The following POLB variants were observed in gnomAD, a reference collection of about 807,000 sequenced individuals.
POLB encodes the protein DNA polymerase beta.
POLB carries 37 observed loss-of-function variants against 52.7 expected under a neutral mutation model. That is an observed-to-expected ratio of 0.70 (90% CI 0.54 to 0.92). The LOEUF is 0.92. POLB is among the 40% of genes least tolerant of loss of function. The probability of loss-of-function intolerance (pLI) is 0.00; values close to 1 mark genes in which losing one functional copy is unlikely to be tolerated. For missense variants in POLB, 313 were observed against 400.8 expected (o/e 0.78, Z 1.87); for synonymous variants, 138 against 131.3 (o/e 1.05, Z -0.35).
In POLB at chr8:42,361,084, T is replaced by C. The variant is rs777736903; in HGVS notation, c.551-211T>C. ...AATGTATATCTAATGCCAATTACTG[T>C]TGTCATCACAGATTCTGCTGTCTAC... On this transcript the variant is annotated intron_variant, in intron 9 of 13. Coordinates refer to ENST00000265421, the MANE Select transcript of POLB (RefSeq NM_002690.3). 8.7e-6 allele frequency: 6 copies of C among 685,940 alleles called. No individual in the cohort carries two copies. In the South Asian group the frequency reaches 9.0e-5, roughly 10 times the overall value. The allele number at this position is 685,940 out of a possible 1,614,324, so 42.5% of individuals were successfully genotyped here.
chr8:42,343,321 C>CA (rs1157325948), intron 2 of POLB, among the ~76,000 whole-genome samples: 209 of 2,808 alleles, frequency 0.074, 50 homozygotes, highest in East Asian at 0.2. Context: ...GACTGCGTCT[C>CA]AAAAAAAAAA....
chr8:42,359,555 T>A (rs1289809308), intron 9 of POLB, among the ~76,000 whole-genome samples: 1 of 133,696 alleles, frequency 7.5e-6, no homozygotes, highest in Non-Finnish European at 1.6e-5. Flanking sequence ...GGTAGGGACA[T>A]GGTTTTACTA....
At chr8:42,340,091 A>G (rs1822104605) in intron 2 of POLB, 1 of 151,860 alleles carries the variant, frequency 6.6e-6, no homozygotes, top group South Asian at 2.1e-4. Context: ...CCGCTCACCT[A>G]CGTCTCATCT....
At chr8:42,352,151 T>C (rs1314113304) in intron 5 of POLB, among the ~76,000 whole-genome samples, 1 of 152,240 alleles carries the variant, frequency 6.6e-6, no homozygotes. Context: ...CTAACTATTG[T>C]CTCTATCTAC....
At position 42,338,727 on chromosome 8, in the gene POLB, C is replaced by G. The variant is rs373698557; in HGVS notation, c.61+42C>G. 3.8e-5 allele frequency: 60 copies of G among 1,566,274 alleles called. No homozygotes were observed. In the African/African-American group the frequency reaches 6.9e-4, roughly 18 times the overall value. ...GCCCCGCTGGCTTTCTTCTTTCCTT[C>G]CAGCCTCTTCCCCTGCCTTCCTTCT... On this transcript the variant is annotated intron_variant, in intron 1 of 13. Transcript: ENST00000265421.
At chr8:42,352,225 C>T (rs1010381895) in intron 5 of POLB, among the ~76,000 whole-genome samples, 1 of 152,086 alleles carries the variant, frequency 6.6e-6, no homozygotes, top group African/African-American at 2.4e-5. Context: ...ACATAATGGC[C>T]CTCAGTAAAT....
At chr8:42,368,095 A>G (rs1824154235) in intron 11 of POLB, among the ~76,000 whole-genome samples, 1 of 152,248 alleles carries the variant, frequency 6.6e-6, no homozygotes, top group African/African-American at 2.4e-5. Context: ...CTTCAGAAAA[A>G]GTGCAGGAAA....
chr8:42,362,536 A>G (rs980383219), intron 10 of POLB, 76 bp from the exon 11 acceptor site: 11 of 924,952 alleles, frequency 1.2e-5, no homozygotes, highest in Non-Finnish European at 1.8e-5. Flanking sequence ...CTGTGTCTCT[A>G]AAAATATTGT....
At position 42,371,747 on chromosome 8, in the gene POLB, A is replaced by G. The variant is rs1162505397; in HGVS notation, c.*90A>G. ...ATGTAAGGGTCTTTGGTGTTTTTAA[A>G]TGATTGTTTCTTCTTCATGCTTTTG... On this transcript the variant is annotated 3_prime_UTR_variant, in exon 14 of 14. Transcript: ENST00000265421. 1 of 758,386 alleles carries G rather than the reference A, an allele frequency of 1.3e-6. No individual in the cohort carries two copies. Among genetic ancestry groups the G allele is most frequent in the Non-Finnish European group, 2.3e-6 (1 of 431,244 alleles). The allele number at this position is 758,386 out of a possible 1,614,324, so 47.0% of individuals were successfully genotyped here.
chr8:42,343,038 A>T (rs1822311244), intron 2 of POLB, among the ~76,000 whole-genome samples: 1 of 151,838 alleles, frequency 6.6e-6, no homozygotes, highest in South Asian at 2.1e-4. Flanking sequence ...AAAATATAAA[A>T]TTGGCTGGGC....
At chr8:42,365,210 G>A (rs1235514654) in intron 11 of POLB, among the ~76,000 whole-genome samples, 1 of 152,188 alleles carries the variant, frequency 6.6e-6, no homozygotes, top group African/African-American at 2.4e-5. Context: ...GGCTGTGAAA[G>A]TGTATTTTCT....
chr8:42,344,945 C>A lies in POLB; in HGVS notation c.120-8C>A. Reference sequence around the variant, plus strand: ...CTAATTGGTTTTCCTTTTCTTCTTTCCTTATAGAAAAGCAGCATCTGTTAT... The same window carrying A: ...CTAATTGGTTTTCCTTTTCTTCTTTACTTATAGAAAAGCAGCATCTGTTAT... On this transcript the variant is annotated splice_region_variant and splice_polypyrimidine_tract_variant and intron_variant, in intron 2 of 13. Transcript: ENST00000265421. The A allele has an allele frequency of 6.4e-7, 1 of 1,569,766 alleles. No homozygotes were observed. The highest frequency in any genetic ancestry group is 8.8e-7 in the Non-Finnish European group (1 of 1,140,250).
chr8:42,352,656 C>T (rs1823045837), intron 6 of POLB, 88 bp downstream of exon 6: 1 of 790,826 alleles, frequency 1.3e-6, no homozygotes, highest in African/African-American at 1.7e-5. Context: ...TTGAAAAACC[C>T]ATTCTCAATC....
At position 42,355,645 on chromosome 8, in the gene POLB, G is replaced by A. The variant is rs1323261418; in HGVS notation, c.422+78G>A. On this transcript the variant is annotated intron_variant, in intron 7 of 13. Transcript: ENST00000265421. ...TAGACATTCTTTTATACACCAGAAG[G>A]ACTCTTCAAACTTAGCTAAACCACA... 4.0e-5 allele frequency: 34 copies of A among 850,160 alleles called. 1 individual carries two copies. Among genetic ancestry groups the A allele is most frequent in the Admixed American group, 2.2e-4 (11 of 49,764 alleles). 52.7% of individuals were successfully genotyped at this position (850,160 alleles called of 1,614,324 possible). A position where few individuals can be genotyped will look rare whatever the true frequency, so the allele number is the denominator to read the frequency against.
At position 42,357,616 on chromosome 8, in the gene POLB, C is replaced by T. The variant is rs1823399993; in HGVS notation, c.550+224C>T. On this transcript the variant is annotated intron_variant, in intron 9 of 13. Transcript: ENST00000265421. The stretch of plus-strand genomic sequence containing the variant: ...ATATTTTAATGACTAGTTTTAACGA[C>T]GTTTATTAAATGACTTTAAGTATAT... 6 of 424,014 alleles carry T rather than the reference C, an allele frequency of 1.4e-5. No individual in the cohort carries two copies. In the South Asian group the frequency reaches 1.8e-4, roughly 13 times the overall value. The allele number at this position is 424,014 out of a possible 1,614,324, so 26.3% of individuals were successfully genotyped here. A position where few individuals can be genotyped will look rare whatever the true frequency, so the allele number is the denominator to read the frequency against.
At chr8:42,339,228 G>T (rs1305352944) in intron 2 of POLB, 159 bp downstream of exon 2, 4 of 667,012 alleles carry the variant, frequency 6.0e-6, no homozygotes, top group Non-Finnish European at 8.3e-6. Flanking sequence ...TGAAGAATGT[G>T]GGCAGTGCGT....
chr8:42,342,428 C>G (rs749399815), intron 2 of POLB: 7 of 1,409,946 alleles, frequency 5.0e-6, no homozygotes, highest in Non-Finnish European at 6.9e-6. Flanking sequence ...ATATCCCCCT[C>G]TATACGGGCA....
intron 11 of POLB, among the ~76,000 whole-genome samples, chr8:42,366,230 C>T (rs1364927449): frequency 1.3e-5 from 2 of 152,110 alleles, no homozygotes; most frequent in Non-Finnish European, 2.9e-5. Flanking sequence ...ACATGTGCCA[C>T]AGGAAAGAAT....
rs1167919874 is a variant in POLB, at chr8:42,371,714, C to T, written c.*57C>T. 1 of 1,026,568 alleles carries T rather than the reference C, an allele frequency of 9.7e-7. No individual in the cohort carries two copies. The highest frequency in any genetic ancestry group is 2.4e-5 in the East Asian group (1 of 41,450). The allele number at this position is 1,026,568 out of a possible 1,614,324, so 63.6% of individuals were successfully genotyped here. ...ATAGGAGTCTTAATTTATTTCTTAA[C>T]CTTTGCTATGTAAGGGTCTTTGGTG... On this transcript the variant is annotated 3_prime_UTR_variant, in exon 14 of 14. Coordinates refer to ENST00000265421, the MANE Select transcript of POLB (RefSeq NM_002690.3).
Sources: allele counts gnomAD v4.1 joint callset (sites outside exome capture counted in the v4.1 genomes callset), GRCh38; gene constraint gnomAD v4.1.1; transcripts MANE v1.5; gene names NCBI Gene and HGNC (gene_info 2026-07-23, HGNC 2026-07-21).